Variants in PI4KA observed in about 807,000 individuals in gnomAD.
PI4KA encodes PI4-kinase alpha.
PI4KA carries 122 observed loss-of-function variants against 271.4 expected under a neutral mutation model. That is an observed-to-expected ratio of 0.45 (90% confidence interval 0.39 to 0.52). The LOEUF (loss-of-function observed/expected upper bound fraction) is 0.52, where lower values mean the gene tolerates loss of function less well. PI4KA is among the 20% of genes least tolerant of loss of function. The pLI is 0.00. For synonymous variants in PI4KA, 1,041 were observed against 1,078.8 expected (o/e 0.96, Z 0.69); for missense variants, 1,969 against 2,769.1 (o/e 0.71, Z 6.48).
At position 20,855,077 on chromosome 22, in the gene PI4KA, G is replaced by A. The variant is rs200232663; in HGVS notation, c.156+3493C>T. Among the ~76,000 whole-genome samples the A allele has an allele frequency of 6.5e-3, 985 of 151,570 alleles. 13 individuals carry two copies. The highest frequency in any genetic ancestry group is 0.023 in the African/African-American group (936 of 41,310). On this transcript the variant is annotated intron_variant, in intron 1 of 54. Transcript: ENST00000255882. ...TGAGGCAGGAGAATCGCTTGAACCC[G>A]GGAGGTGGAGGTTGCAGTGAACCGA... is the stretch of plus-strand genomic sequence containing the variant.
intron 28 of PI4KA, among the ~76,000 whole-genome samples, chr22:20,749,631 G>A (rs997001901): frequency 3.9e-5 from 6 of 152,332 alleles, no homozygotes; most frequent in Middle Eastern, 3.4e-3. Context: ...CCTTCCTCTC[G>A]TGAGCAGCCC....
rs1269388653 is a variant in PI4KA, at chr22:20,712,715, C to T, written c.5654G>A (p.Arg1885His). The T allele has an allele frequency of 4.5e-6, 7 of 1,550,156 alleles. No individual in the cohort carries two copies. Among genetic ancestry groups the T allele is most frequent in the South Asian group, 1.2e-5 (1 of 84,116 alleles). ...TACCCCAGGGGCAGTGGCCACCACG[C>T]GGTAGGGAAAAACAAAGAGGTCCAG... is the stretch of plus-strand genomic sequence containing the variant. ...VGLDLFVFPY[R>H]VVATAPGCGV... Residue 1885 changes from arginine (R) to histidine (H), a missense_variant, in exon 49 of 55, where the codon CGC (arginine) becomes CAC (histidine). Arg to His is a conservative substitution (Grantham distance 29). Around this residue, in one of 13 missense-constraint regions of PI4KA, gnomAD observed 110 missense variants for 349.8 expected, o/e 0.31. Transcript: ENST00000255882.
At chr22:20,842,833 G>C (rs1190652109) in intron 1 of PI4KA, among the ~76,000 whole-genome samples, 1 of 147,114 alleles carries the variant, frequency 6.8e-6, no homozygotes, top group Non-Finnish European at 1.5e-5. Context: ...AAAAAAGGCC[G>C]GGCGCAGTGG....
intron 8 of PI4KA, 127 bp from the exon 9 acceptor site, chr22:20,811,159 T>C: frequency 1.4e-6 from 1 of 729,982 alleles, no homozygotes. Context: ...GGCCAATAAA[T>C]ACAAATTATG....
rs1282508130 is a variant in PI4KA, at chr22:20,834,601, CT to C, written c.327del (p.Val110CysfsTer4). The C allele has an allele frequency of 8.7e-6, 14 of 1,611,724 alleles. No homozygotes were observed. The highest frequency in any genetic ancestry group is 1.1e-5 in the Non-Finnish European group (13 of 1,177,962). ...YLLRLLKGLPKVYWVEESTAR... is the reference protein window; with the variant it reads ...YLLRLLKGLPXVYWVEESTAR... ...GCTGTGCTTTCTTCTACCCAATACA[CT>C]TTTGGAAGACCTTTGAGAAGTCGAA... On this transcript the variant is annotated frameshift_variant, in exon 3 of 55. Coordinates refer to ENST00000255882, the MANE Select transcript of PI4KA (RefSeq NM_058004.4). LOFTEE classifies it high-confidence loss of function.
In PI4KA at chr22:20,764,873, C is replaced by A. The variant is rs778239225; in HGVS notation, c.2652G>T (p.Lys884Asn). 1 of 1,613,598 alleles carries A rather than the reference C, an allele frequency of 6.2e-7. No homozygotes were observed. The highest frequency in any genetic ancestry group is 1.3e-5 in the African/African-American group (1 of 74,906). The change falls in exon 22 of 55, where the codon AAG (lysine) becomes AAT (asparagine). Residue 884 changes from lysine (K) to asparagine (N), a missense_variant. Lys to Asn is a moderately conservative substitution (Grantham distance 94). This residue lies in a region of PI4KA where 368 missense variants were observed against 544.3 expected (regional missense o/e 0.68). Transcript: ENST00000255882. Reference sequence around the variant, plus strand: ...GGTAGGTGGACATGGCGAAGTCCAGCTTGTTGATGAGTGCGGACACCTCGG... The same window carrying A: ...GGTAGGTGGACATGGCGAAGTCCAGATTGTTGATGAGTGCGGACACCTCGG... Reference protein sequence around the residue: ...PPPEVSALINKLDFAMSTYLL... With the variant: ...PPPEVSALINNLDFAMSTYLL...
chr22:20,717,070 T>C (rs2329480), intron 45 of PI4KA, among the ~76,000 whole-genome samples: 2 of 151,950 alleles, frequency 1.3e-5, no homozygotes, highest in African/African-American at 2.4e-5. Flanking sequence ...ACGGTGAAAC[T>C]CTGACTCCAC....
chr22:20,786,023 C>CCGA (rs1270914165), intron 19 of PI4KA: 1 of 1,614,148 alleles, frequency 6.2e-7, no homozygotes, highest in African/African-American at 1.3e-5. Flanking sequence ...AGTGCTTCTG[C>CCGA]CGAAATTCAA....
intron 3 of PI4KA, 45 bp from the exon 4 acceptor site, chr22:20,824,459 C>T (rs1298121266): frequency 8.0e-6 from 11 of 1,373,812 alleles, no homozygotes; most frequent in Non-Finnish European, 1.1e-5. Context: ...GAACCAGATA[C>T]TGGGTCACAC....
chr22:20,737,561 G>T (rs1928880535), intron 32 of PI4KA, among the ~76,000 whole-genome samples: 1 of 152,174 alleles, frequency 6.6e-6, no homozygotes, highest in African/African-American at 2.4e-5. Context: ...GGTACAATGT[G>T]AGGGCTGACA....
intron 19 of PI4KA, among the ~76,000 whole-genome samples, chr22:20,771,564 G>A (rs1053168610): frequency 4.8e-5 from 6 of 125,946 alleles, no homozygotes; most frequent in Admixed American, 8.6e-5. Context: ...AAATATGTTG[G>A]CTTTATTTAT....
At chr22:20,720,467 G>A (rs1054190118) in intron 43 of PI4KA, among the ~76,000 whole-genome samples, 4 of 152,124 alleles carry the variant, frequency 2.6e-5, no homozygotes, top group Admixed American at 6.6e-5. Flanking sequence ...CAGGAGGATC[G>A]CTTAAGCCCA....
At position 20,851,329 on chromosome 22, in the gene PI4KA, G is replaced by C. The variant is rs1482692450; in HGVS notation, c.156+7241C>G. 2.6e-5 allele frequency among the ~76,000 whole-genome samples: 4 copies of C among 151,802 alleles called. No individual in the cohort carries two copies. In the East Asian group the frequency reaches 7.7e-4, roughly 29 times the overall value. The stretch of plus-strand genomic sequence containing the variant: ...TTGCTTTCATAATAGTATAGCCTTG[G>C]GTTTTTTTTGTTGTTGTTGTTGTTT... On this transcript the variant is annotated intron_variant, in intron 1 of 54. Coordinates refer to ENST00000255882, the MANE Select transcript of PI4KA (RefSeq NM_058004.4).
At chr22:20,760,920 C>T (rs995758062) in intron 23 of PI4KA, among the ~76,000 whole-genome samples, 1 of 152,178 alleles carries the variant, frequency 6.6e-6, no homozygotes, top group Non-Finnish European at 1.5e-5. Context: ...CACTCAGCCT[C>T]CCAAGTAACT....
At chr22:20,836,183 C>T (rs1924847964) in intron 2 of PI4KA, among the ~76,000 whole-genome samples, 1 of 152,106 alleles carries the variant, frequency 6.6e-6, no homozygotes, top group African/African-American at 2.4e-5. Context: ...TGTGATAAGA[C>T]CCATGAATGA....
At position 20,858,612 on chromosome 22, in the gene PI4KA, C is replaced by T; in HGVS notation, c.114G>A (p.Leu38=). The T allele has an allele frequency of 6.7e-7, 1 of 1,482,856 alleles. No homozygotes were observed. Among genetic ancestry groups the T allele is most frequent in the East Asian group, 2.9e-5 (1 of 34,712 alleles). The allele number at this position is 1,482,856 out of a possible 1,614,324, so 91.9% of individuals were successfully genotyped here. The change falls in exon 1 of 55, where the codon CTG becomes CTA. Residue 38 remains leucine (L), a synonymous_variant. Coordinates refer to ENST00000255882, the MANE Select transcript of PI4KA (RefSeq NM_058004.4). ...GTCTCTGCACCGCCAGGGAGCGGGC[C>T]AGTGACAGGACCGTGTTGAAATAGA... ...RGFYFNTVLS[L]ARSLAVQRPA...
intron 7 of PI4KA, 23 bp from the exon 8 acceptor site, chr22:20,813,529 ACT>A (rs1921347924): frequency 6.2e-7 from 1 of 1,611,346 alleles, no homozygotes. Context: ...AAAGCTGGAA[ACT>A]CAGCCGTGGT....
intron 19 of PI4KA, among the ~76,000 whole-genome samples, chr22:20,784,908 T>C (rs1349469394): frequency 6.6e-6 from 1 of 152,066 alleles, no homozygotes; most frequent in Non-Finnish European, 1.5e-5. Flanking sequence ...AATACAAACA[T>C]ATGCAACCAA....
chr22:20,858,528 C>T (rs537168868), intron 1 of PI4KA, 42 bp downstream of exon 1: 2 of 1,306,318 alleles, frequency 1.5e-6, no homozygotes, highest in African/African-American at 3.0e-5. Flanking sequence ...GTCACCCCAG[C>T]CCCTCCTCCT....
Sources: allele counts gnomAD v4.1 joint callset (sites outside exome capture counted in the v4.1 genomes callset), GRCh38; gene constraint gnomAD v4.1.1; regional missense constraint gnomAD v4.1.1; transcripts MANE v1.5; gene names NCBI Gene and HGNC (gene_info 2026-07-23, HGNC 2026-07-21).